RFX2: variants seen among roughly 807,000 people sequenced by gnomAD.
RFX2 encodes the protein DNA-binding protein RFX2.
In RFX2, 20 loss-of-function variants were observed where a neutral mutation model predicts 87.8. The observed-to-expected ratio is 0.23, with a 90% CI of 0.16 to 0.33. The LOEUF (loss-of-function observed/expected upper bound fraction) is 0.33. Ranked by LOEUF, RFX2 falls within the 10% of genes least tolerant of loss-of-function variation. The pLI is 1.00. For synonymous variants in RFX2, 397 were observed against 431.3 expected, an observed-to-expected ratio of 0.92 and a Z score of 0.98; for missense variants, 767 against 1,012.3, an observed-to-expected ratio of 0.76 and a Z score of 3.29.
At chr19:6,071,139 G>T (rs1028683924) in intron 1 of RFX2, among the ~76,000 whole-genome samples, 4 of 152,180 alleles carry the variant, frequency 2.6e-5, no homozygotes, top group Admixed American at 6.5e-5. Context: ...CTATGTCAAC[G>T]TACAAACATG....
Position 6,017,590 on chromosome 19 carries a change from C to T in RFX2, c.598-1319G>A, listed in dbSNP as rs1380381928. On this transcript the variant is annotated intron_variant, in intron 6 of 17. Coordinates refer to ENST00000303657, the MANE Select transcript of RFX2 (RefSeq NM_000635.4). This position sits in a 1 kb window ranked among gnomAD's most constrained non-coding sequence, Gnocchi z 4.1. ...CCGAGTCCAGATCCCATGTCAAGAG[C>T]GTCGGGGGAAACCAGCTGTCTCTAC... Among the ~76,000 whole-genome samples the T allele has an allele frequency of 1.3e-5, 2 of 152,216 alleles. No individual in the cohort carries two copies. The highest frequency in any genetic ancestry group is 2.9e-5 in the Non-Finnish European group (2 of 68,030).
chr19:6,025,680 C>T (rs951162534), intron 6 of RFX2, among the ~76,000 whole-genome samples: 1 of 151,976 alleles, frequency 6.6e-6, no homozygotes, highest in Admixed American at 6.6e-5. Context: ...ATTTCTCCTT[C>T]ATTGCTGAAG....
In RFX2 at chr19:6,015,803, G is replaced by A. The variant is rs567269571; in HGVS notation, c.779+287C>T. ...GGTGTGCACCACCACACCTGGCCCA[G>A]AGGCTGCTCTAAAACAAAAAAAGAA... is the stretch of plus-strand genomic sequence containing the variant. On this transcript the variant is annotated intron_variant, in intron 7 of 17. Transcript: ENST00000303657. 4.5e-4 allele frequency among the ~76,000 whole-genome samples: 69 copies of A among 152,248 alleles called. 3 individuals carry two copies. In the South Asian group the frequency reaches 0.014, roughly 31 times the overall value.
chr19:6,010,352 G>T lies in RFX2; in HGVS notation c.900-101C>A. 1 of 747,996 alleles carries T rather than the reference G, an allele frequency of 1.3e-6. No individual in the cohort carries two copies. The highest frequency in any genetic ancestry group is 1.5e-5 in the South Asian group (1 of 64,664). The allele number at this position is 747,996 out of a possible 1,614,324, so 46.3% of individuals were successfully genotyped here. On this transcript the variant is annotated intron_variant, in intron 8 of 17. Coordinates refer to ENST00000303657, the MANE Select transcript of RFX2 (RefSeq NM_000635.4). The surrounding 1 kb of genome is among the most constrained non-coding windows in gnomAD (Gnocchi z 5.0). ...GCAGGATTCAGTCAGGCATGTGTGT[G>T]TGATGTTTACAAGTTGCGGTCAAAT... is the stretch of plus-strand genomic sequence containing the variant.
intron 1 of RFX2, among the ~76,000 whole-genome samples, chr19:6,103,906 T>C (rs900069312): frequency 3.9e-5 from 6 of 152,194 alleles, no homozygotes; most frequent in African/African-American, 1.4e-4. Context: ...ACTACTTATT[T>C]GCTTCATCCT....
chr19:6,072,804 CT>C, intron 1 of RFX2: 1 of 1,009,490 alleles, frequency 9.9e-7, no homozygotes, highest in Non-Finnish European at 1.5e-6. Context: ...GAGGTGGCAG[CT>C]GTCTCCTCCT....
At chr19:6,106,855 A>T (rs1174010801) in intron 1 of RFX2, among the ~76,000 whole-genome samples, 1 of 147,952 alleles carries the variant, frequency 6.8e-6, no homozygotes, top group Non-Finnish European at 1.5e-5. Context: ...TTATATATAC[A>T]TGTTTTAATA....
intron 1 of RFX2, among the ~76,000 whole-genome samples, chr19:6,089,458 C>T (rs753797498): frequency 4.6e-5 from 7 of 152,106 alleles, no homozygotes; most frequent in Non-Finnish European, 1.0e-4. Context: ...AATGTTGTGT[C>T]CCCCCAAAAC....
At chr19:6,073,906 T>A (rs952784909) in intron 1 of RFX2, among the ~76,000 whole-genome samples, 2 of 152,176 alleles carry the variant, frequency 1.3e-5, no homozygotes, top group African/African-American at 4.8e-5. Flanking sequence ...AGAGGGTGAA[T>A]GCACCAATAA....
rs1011545967 is a variant in RFX2 at position 5,999,211 on chromosome 19, G to A, written c.1860-1998C>T. Among the ~76,000 whole-genome samples the A allele has an allele frequency of 4.6e-5, 7 of 152,136 alleles. No individual in the cohort carries two copies. Among genetic ancestry groups the A allele is most frequent in the African/African-American group, 1.7e-4 (7 of 41,426 alleles). ...GGGGAGGTTGCAGTGAGCCGAGATCGCACCATTGCACTCCAGCCTGGTGAC... is the reference window on the plus strand; with the variant it reads ...GGGGAGGTTGCAGTGAGCCGAGATCACACCATTGCACTCCAGCCTGGTGAC... On this transcript the variant is annotated intron_variant, in intron 15 of 17. Coordinates refer to ENST00000303657, the MANE Select transcript of RFX2 (RefSeq NM_000635.4). The surrounding 1 kb of genome is among the most constrained non-coding windows in gnomAD (Gnocchi z 4.1).
intron 1 of RFX2, among the ~76,000 whole-genome samples, chr19:6,048,573 G>A (rs927002892): frequency 2.0e-5 from 3 of 152,156 alleles, no homozygotes; most frequent in African/African-American, 7.2e-5. Flanking sequence ...GGGTCTCCAT[G>A]GCTCCTGCCT....
At chr19:6,008,809 T>G (rs2086624019) in intron 9 of RFX2, among the ~76,000 whole-genome samples, 1 of 151,894 alleles carries the variant, frequency 6.6e-6, no homozygotes, top group Non-Finnish European at 1.5e-5. Context: ...TCTTGAGTAT[T>G]TGGGATTACA....
rs2086818649 is a variant in RFX2, at chr19:6,021,988, C to A, written c.597+4175G>T. 6.6e-6 allele frequency among the ~76,000 whole-genome samples: 1 copy of A among 151,798 alleles called. No homozygotes were observed. Among genetic ancestry groups the A allele is most frequent in the Non-Finnish European group, 1.5e-5 (1 of 67,964 alleles). ...TGGGGGGTGCCACCTGGTTCTGGAT[C>A]TTTCTTGAAGGTGAGGTTGAAGAGC... On this transcript the variant is annotated intron_variant, in intron 6 of 17. Transcript: ENST00000303657. The surrounding 1 kb of genome is among the most constrained non-coding windows in gnomAD (Gnocchi z 5.7).
At chr19:6,018,988 C>T (rs1165785480) in intron 6 of RFX2, among the ~76,000 whole-genome samples, 1 of 152,164 alleles carries the variant, frequency 6.6e-6, no homozygotes, top group Non-Finnish European at 1.5e-5. Context: ...AGGGACCCCT[C>T]GCCCTCTTGC....
intron 1 of RFX2, among the ~76,000 whole-genome samples, chr19:6,078,862 A>T (rs1342279102): frequency 6.6e-6 from 1 of 152,050 alleles, no homozygotes; most frequent in Admixed American, 6.6e-5. Flanking sequence ...TGCAACCTCC[A>T]CCTCCCGGGT....
Position 6,047,421 on chromosome 19 carries a change from G to A in RFX2, c.76C>T (p.Pro26Ser), listed in dbSNP as rs572601772. ...LRPSAAAPPV[P>S]ASPQRVLVQA... ...GCGCGCGTTACCTGCGGGGAGGCTGGCACAGGCGGGGCTGCCGCCGAGGGA... is the reference window on the plus strand; with the variant it reads ...GCGCGCGTTACCTGCGGGGAGGCTGACACAGGCGGGGCTGCCGCCGAGGGA... Residue 26 changes from proline (P) to serine (S), a missense_variant, in exon 2 of 18, where the codon CCA becomes TCA. Around this residue, in one of 2 missense-constraint regions of RFX2, gnomAD observed 146 missense variants for 139.2 expected, o/e 1.05. Transcript: ENST00000303657. The surrounding 1 kb of genome is among the most constrained non-coding windows in gnomAD (Gnocchi z 4.2). The A allele has an allele frequency of 2.5e-6, 4 of 1,607,506 alleles. No individual in the cohort carries two copies. In the East Asian group the frequency reaches 6.7e-5, roughly 27 times the overall value.
rs2086772405 is a variant in RFX2 at position 6,019,195 on chromosome 19, G to C, written c.598-2924C>G. ...AGGGACCCCCGCCCTCTTGTCCTTTGAATAAGGGGCAGTTAAAACAAAGGA... is the reference window on the plus strand; with the variant it reads ...AGGGACCCCCGCCCTCTTGTCCTTTCAATAAGGGGCAGTTAAAACAAAGGA... On this transcript the variant is annotated intron_variant, in intron 6 of 17. Coordinates refer to ENST00000303657, the MANE Select transcript of RFX2 (RefSeq NM_000635.4). Among the ~76,000 whole-genome samples the C allele has an allele frequency of 1.3e-5, 2 of 152,172 alleles. 1 individual carries two copies. Among genetic ancestry groups the C allele is most frequent in the Non-Finnish European group, 2.9e-5 (2 of 68,036 alleles).
intron 1 of RFX2, among the ~76,000 whole-genome samples, chr19:6,105,994 T>C (rs778018540): frequency 2.6e-5 from 4 of 152,154 alleles, no homozygotes; most frequent in Non-Finnish European, 5.9e-5. Context: ...CTTAGAATCC[T>C]AAGCCAGTCC....
Position 6,026,681 on chromosome 19 carries a change from C to A in RFX2, c.523-444G>T. The A allele has an allele frequency of 5.3e-6, 1 of 189,130 alleles. No individual in the cohort carries two copies. The highest frequency in any genetic ancestry group is 1.1e-5 in the Non-Finnish European group (1 of 90,658). 11.7% of individuals were successfully genotyped at this position (189,130 alleles called of 1,614,324 possible). A position where few individuals can be genotyped will look rare whatever the true frequency, so the allele number is the denominator to read the frequency against. On this transcript the variant is annotated intron_variant, in intron 5 of 17. Coordinates refer to ENST00000303657, the MANE Select transcript of RFX2 (RefSeq NM_000635.4). This position sits in a 1 kb window ranked among gnomAD's most constrained non-coding sequence, Gnocchi z 4.5. ...AGAGATGGCAGCCTTGACTCCCCAG[C>A]CAGGCTGTCCTGTCGCAAATCCCAG...
Sources: allele counts gnomAD v4.1 joint callset (sites outside exome capture counted in the v4.1 genomes callset), GRCh38; gene constraint gnomAD v4.1.1; regional missense constraint gnomAD v4.1.1; non-coding constraint Gnocchi (gnomAD v3.1); transcripts MANE v1.5; gene names NCBI Gene and HGNC (gene_info 2026-07-23, HGNC 2026-07-21).